AKAP8: variants seen among roughly 807,000 people sequenced by gnomAD.
AKAP8 encodes the protein A-kinase anchor protein 8.
Under a neutral mutation model 67.5 loss-of-function variants are expected in AKAP8, and 24 were observed. That is an observed-to-expected ratio of 0.36 (90% CI 0.26 to 0.50). The LOEUF is 0.50. AKAP8 is among the 20% of genes least tolerant of loss of function. The probability of loss-of-function intolerance (pLI) is 0.97; values close to 1 mark genes in which losing one functional copy is unlikely to be tolerated. For synonymous variants in AKAP8, 400 were observed against 371.1 expected, an observed-to-expected ratio of 1.08 and a Z score of -0.90; for missense variants, 971 against 955.9, an observed-to-expected ratio of 1.02 and a Z score of -0.21.
intron 4 of AKAP8, 70 bp downstream of exon 4, chr19:15,373,716 G>A (rs977710934): frequency 7.3e-6 from 11 of 1,507,918 alleles, no homozygotes; most frequent in Non-Finnish European, 8.9e-6. Context: ...TCAAGAGTGG[G>A]TGCCCACTCC....
chr19:15,379,554 C>T, intron 1 of AKAP8, 159 bp downstream of exon 1: 1 of 747,776 alleles, frequency 1.3e-6, no homozygotes, highest in Non-Finnish European at 2.0e-6. Context: ...CGCCAAAGCC[C>T]AATGAGCGGC....
At position 15,372,449 on chromosome 19, in the gene AKAP8, A is replaced by C. The variant is rs557885585; in HGVS notation, c.862-102T>G. ...GTAGGATCAGACAACACAGGCACAA[A>C]AGGTCTTTTCAAAAAGCAAAGAGAC... On this transcript the variant is annotated intron_variant, in intron 5 of 13. Transcript: ENST00000269701. 97 of 1,471,032 alleles carry C rather than the reference A, an allele frequency of 6.6e-5. No individual in the cohort carries two copies. In the African/African-American group the frequency reaches 1.3e-3, roughly 20 times the overall value. The allele number at this position is 1,471,032 out of a possible 1,614,324, so 91.1% of individuals were successfully genotyped here. A position where few individuals can be genotyped will look rare whatever the true frequency, so the allele number is the denominator to read the frequency against.
At chr19:15,373,511 T>C (rs1442658611) in intron 4 of AKAP8, among the ~76,000 whole-genome samples, 171 bp from the exon 5 acceptor site, 1 of 151,988 alleles carries the variant, frequency 6.6e-6, no homozygotes. Flanking sequence ...GGAACACTGC[T>C]GAGCAGGGGA....
At chr19:15,372,770 T>A (rs1030165975) in intron 5 of AKAP8, 81 bp downstream of exon 5, 20 of 1,438,724 alleles carry the variant, frequency 1.4e-5, no homozygotes, top group Non-Finnish European at 1.7e-5. Flanking sequence ...TAAGTGAATG[T>A]TGAGATGGGG....
intron 12 of AKAP8, among the ~76,000 whole-genome samples, chr19:15,360,166 AAAAACCAAAACC>A (rs895755927): frequency 4.6e-5 from 7 of 152,116 alleles, no homozygotes; most frequent in Non-Finnish European, 7.4e-5. Context: ...ACGTAAACCA[AAAAACCAAAACC>A]AAAACCAAAA....
At chr19:15,377,613 C>T (rs1026545094) in intron 1 of AKAP8, among the ~76,000 whole-genome samples, 1 of 152,170 alleles carries the variant, frequency 6.6e-6, no homozygotes, top group Non-Finnish European at 1.5e-5. Flanking sequence ...GGACTACAGG[C>T]GCCTGCCACC....
At chr19:15,364,769 C>T (rs1420139052) in intron 9 of AKAP8, among the ~76,000 whole-genome samples, 1 of 152,172 alleles carries the variant, frequency 6.6e-6, no homozygotes, top group African/African-American at 2.4e-5. Flanking sequence ...GGATTACAGG[C>T]GTGAGCCACC....
chr19:15,379,480 C>T (rs1489966864), intron 1 of AKAP8: 1 of 484,122 alleles, frequency 2.1e-6, no homozygotes, highest in Non-Finnish European at 3.6e-6. Context: ...GCCCCAACCC[C>T]GAGTCCCGCC....
chr19:15,369,838 C>G lies in AKAP8; in HGVS notation c.1072+308G>C, dbSNP rs1967125311. Among the ~76,000 whole-genome samples, 1 of 152,204 alleles carries G rather than the reference C, an allele frequency of 6.6e-6. No homozygotes were observed. Among genetic ancestry groups the G allele is most frequent in the South Asian group, 2.1e-4 (1 of 4,838 alleles). On this transcript the variant is annotated intron_variant, in intron 8 of 13. Transcript: ENST00000269701. This position sits in a 1 kb window ranked among gnomAD's most constrained non-coding sequence, Gnocchi z 4.6. ...GGCACAGAAGATGGGCTGGGGGCCT[C>G]TTCTCTCATGTTTCTCCTTCCCTAC...
At chr19:15,376,619 G>GT (rs1438850393) in intron 2 of AKAP8, among the ~76,000 whole-genome samples, 1 of 152,146 alleles carries the variant, frequency 6.6e-6, no homozygotes, top group Non-Finnish European at 1.5e-5. Flanking sequence ...AAAAAGTCTG[G>GT]TAATTATAGA....
intron 7 of AKAP8, 64 bp from the exon 8 acceptor site, chr19:15,370,243 C>G (rs943943693): frequency 3.1e-6 from 5 of 1,590,636 alleles, no homozygotes; most frequent in Non-Finnish European, 4.3e-6. Flanking sequence ...CACAACCAGC[C>G]CAGTCCCTGG....
chr19:15,378,441 G>GT (rs1481640397), intron 1 of AKAP8, among the ~76,000 whole-genome samples: 1 of 151,902 alleles, frequency 6.6e-6, no homozygotes, highest in Non-Finnish European at 1.5e-5. Context: ...GGAAGAGGGG[G>GT]TAAAAAAAAC....
chr19:15,368,102 G>A, intron 9 of AKAP8, 133 bp downstream of exon 9: 1 of 1,088,346 alleles, frequency 9.2e-7, no homozygotes, highest in Non-Finnish European at 1.3e-6. Context: ...TTACTGTTTT[G>A]CCTCCCACTG....
At position 15,372,341 on chromosome 19, in the gene AKAP8, T is replaced by C; in HGVS notation, c.868A>G (p.Arg290Gly). 1 of 1,614,044 alleles carries C rather than the reference T, an allele frequency of 6.2e-7. No individual in the cohort carries two copies. Among genetic ancestry groups the C allele is most frequent in the Non-Finnish European group, 8.5e-7 (1 of 1,180,002 alleles). Residue 290 changes from arginine (R) to glycine (G), a missense_variant, in exon 6 of 14, where the codon AGG becomes GGG. This residue lies in a region of AKAP8 where 763 missense variants were observed against 745.4 expected (regional missense o/e 1.02). Transcript: ENST00000269701. ...GGTCCGAAGCGGTCAAACCCTCTCC[T>C]CTTGGGCTACAGACAACAAGCACAC... The part of the protein sequence containing the change: ...PRMRDRDRPK[R>G]RGFDRFGPDG...
chr19:15,357,302 G>A (rs543372891), intron 13 of AKAP8, among the ~76,000 whole-genome samples: 2 of 151,312 alleles, frequency 1.3e-5, no homozygotes, highest in South Asian at 2.1e-4. Context: ...GGTGGTGGGC[G>A]CCTGTAGTCC....
rs747084890 is a variant in AKAP8 at position 15,372,343 on chromosome 19, T to C, written c.866A>G (p.Lys289Arg). 1.9e-6 allele frequency: 3 copies of C among 1,613,996 alleles called. No homozygotes were observed. The highest frequency in any genetic ancestry group is 1.3e-5 in the African/African-American group (1 of 74,892). ...QPRMRDRDRPKRRGFDRFGPD... is the reference protein window; with the variant it reads ...QPRMRDRDRPRRRGFDRFGPD... ...TCCGAAGCGGTCAAACCCTCTCCTC[T>C]TGGGCTACAGACAACAAGCACACCC... The change falls in exon 6 of 14, where the codon AAG becomes AGG. Residue 289 changes from lysine to arginine, a missense_variant. By Grantham distance (26) the Lys-to-Arg change is conservative. Around this residue, in one of 3 missense-constraint regions of AKAP8, gnomAD observed 763 missense variants for 745.4 expected, o/e 1.02. Transcript: ENST00000269701.
intron 9 of AKAP8, among the ~76,000 whole-genome samples, chr19:15,363,500 C>CT (rs1967014379): frequency 2.1e-5 from 3 of 142,450 alleles, no homozygotes; most frequent in African/African-American, 5.4e-5. Context: ...GTCAGCCCCC[C>CT]GCCCGGCCAG....
Position 15,368,229 on chromosome 19 carries a change from C to G in AKAP8, c.1160+6G>C, listed in dbSNP as rs759315544. 9 of 1,611,144 alleles carry G rather than the reference C, an allele frequency of 5.6e-6. No individual in the cohort carries two copies. Among genetic ancestry groups the G allele is most frequent in the Non-Finnish European group, 6.8e-6 (8 of 1,179,854 alleles). ...CCTCCTGTGGGGTCGTGTGCCCGCG[C>G]CTCACCTGTCGGCTGCACGGTCCCG... is the stretch of plus-strand genomic sequence containing the variant. On this transcript the variant is annotated splice_donor_region_variant and intron_variant, in intron 9 of 13. Transcript: ENST00000269701.
chr19:15,362,346 A>G, intron 9 of AKAP8, 95 bp from the exon 10 acceptor site: 1 of 1,426,798 alleles, frequency 7.0e-7, no homozygotes, highest in Non-Finnish European at 9.6e-7. Context: ...TGAAATAGAA[A>G]CAGGATTTTC....
Sources: allele counts gnomAD v4.1 joint callset (sites outside exome capture counted in the v4.1 genomes callset), GRCh38; gene constraint gnomAD v4.1.1; regional missense constraint gnomAD v4.1.1; non-coding constraint Gnocchi (gnomAD v3.1); transcripts MANE v1.5; gene names NCBI Gene and HGNC (gene_info 2026-07-23, HGNC 2026-07-21).